Variants in INPP4A observed in about 807,000 individuals in gnomAD.
INPP4A encodes inositol polyphosphate-4-phosphatase, type I, 107kD.
Under a neutral mutation model 119.8 loss-of-function variants are expected in INPP4A, and 33 were observed. The observed-to-expected ratio is 0.28, with a 90% CI of 0.21 to 0.37. The LOEUF is 0.37. Among genes scored for constraint, INPP4A ranks in the 10% least tolerant of loss-of-function variants. The pLI, the probability that INPP4A is intolerant of heterozygous loss-of-function variation, is 1.00. For synonymous variants in INPP4A, 496 were observed against 500.7 expected (o/e 0.99, Z 0.12); for missense variants, 956 against 1,289.9 (o/e 0.74, Z 3.97).
chr2:98,529,620 C>T lies in INPP4A; in HGVS notation c.152-3757C>T, dbSNP rs1485096073. Reference sequence around the variant, plus strand: ...GCGTGGTGGTGGGCGCCTGTAGTCCCAGCTACTCGGGAGGCTGAGGCAGGA... The same window carrying T: ...GCGTGGTGGTGGGCGCCTGTAGTCCTAGCTACTCGGGAGGCTGAGGCAGGA... On this transcript the variant is annotated intron_variant, in intron 4 of 24. Transcript: ENST00000409851. Among the ~76,000 whole-genome samples, 3 of 152,118 alleles carry T rather than the reference C, an allele frequency of 2.0e-5. No homozygotes were observed. The South Asian group carries it at 6.3e-4, about 32-fold the overall frequency.
At chr2:98,507,981 G>T (rs770921186) in intron 1 of INPP4A, among the ~76,000 whole-genome samples, 1 of 152,216 alleles carries the variant, frequency 6.6e-6, no homozygotes, top group Non-Finnish European at 1.5e-5. Flanking sequence ...GGGTTGAGGG[G>T]GTGGGTGGTG....
intron 1 of INPP4A, among the ~76,000 whole-genome samples, chr2:98,471,235 G>A (rs1360987200): frequency 1.3e-5 from 2 of 152,188 alleles, no homozygotes; most frequent in Admixed American, 6.5e-5. Flanking sequence ...TGTGAATGAT[G>A]TCCTGACCTG....
chr2:98,580,794 C>T (rs912417324), intron 24 of INPP4A, among the ~76,000 whole-genome samples: 2 of 152,252 alleles, frequency 1.3e-5, no homozygotes, highest in Admixed American at 6.5e-5. Flanking sequence ...ACTGCTGCCA[C>T]TTGGCAGACA....
chr2:98,537,796 C>T, intron 7 of INPP4A, 67 bp from the exon 8 acceptor site: 2 of 1,235,330 alleles, frequency 1.6e-6, no homozygotes, highest in South Asian at 1.3e-5. Context: ...ACGGCTAGGG[C>T]TTTGTATTTC....
At chr2:98,581,611 T>G (rs748341505) in intron 24 of INPP4A, 1 of 1,561,050 alleles carries the variant, frequency 6.4e-7, no homozygotes. Flanking sequence ...CAGAAGAACT[T>G]GAGCGGCCTG....
intron 1 of INPP4A, among the ~76,000 whole-genome samples, chr2:98,461,604 A>G (rs912259411): frequency 6.6e-6 from 1 of 152,256 alleles, no homozygotes; most frequent in African/African-American, 2.4e-5. Context: ...GATATGTGGT[A>G]AAGCCTGTTT....
chr2:98,563,418 C>A (rs748056774), intron 17 of INPP4A, 47 bp from the exon 18 acceptor site: 3 of 1,559,016 alleles, frequency 1.9e-6, no homozygotes, highest in Non-Finnish European at 2.6e-6. Flanking sequence ...GAACCTAATT[C>A]TTAAAATCTC....
chr2:98,577,533 C>T (rs970281270), intron 24 of INPP4A, among the ~76,000 whole-genome samples: 3 of 152,202 alleles, frequency 2.0e-5, no homozygotes, highest in Non-Finnish European at 2.9e-5. Flanking sequence ...CTGTTGTCGT[C>T]GTGTATATAT....
chr2:98,526,376 A>G (rs1559006516), intron 4 of INPP4A, among the ~76,000 whole-genome samples: 2 of 152,254 alleles, frequency 1.3e-5, no homozygotes, highest in African/African-American at 2.4e-5. Context: ...TATCCAATAA[A>G]TAATGAAGGT....
chr2:98,481,902 CCTT>C (rs1320928428), intron 1 of INPP4A, among the ~76,000 whole-genome samples: 1 of 152,220 alleles, frequency 6.6e-6, no homozygotes, highest in African/African-American at 2.4e-5. Flanking sequence ...CTTTGCCTCT[CCTT>C]CTCCCTTCAT....
chr2:98,508,851 G>A (rs901334408), intron 1 of INPP4A, among the ~76,000 whole-genome samples: 2 of 151,874 alleles, frequency 1.3e-5, no homozygotes, highest in South Asian at 2.1e-4. Flanking sequence ...TGTTCCTGTT[G>A]TCTTTGTCTG....
intron 1 of INPP4A, among the ~76,000 whole-genome samples, chr2:98,478,005 C>T (rs937088387): frequency 6.6e-6 from 1 of 152,190 alleles, no homozygotes; most frequent in Non-Finnish European, 1.5e-5. Context: ...AGTGCAGTCC[C>T]TGCGGCCTAC....
intron 3 of INPP4A, among the ~76,000 whole-genome samples, 191 bp downstream of exon 3, chr2:98,520,345 C>T (rs538766596): frequency 1.3e-5 from 2 of 152,282 alleles, no homozygotes; most frequent in African/African-American, 2.4e-5. Flanking sequence ...TCCTGTGAAC[C>T]GCTTCTGCTG....
intron 1 of INPP4A, among the ~76,000 whole-genome samples, chr2:98,506,837 T>C (rs1337679987): frequency 6.6e-6 from 1 of 152,198 alleles, no homozygotes; most frequent in Non-Finnish European, 1.5e-5. Context: ...GGCACTCCCC[T>C]GTGGCAGGGA....
At chr2:98,518,714 C>T (rs1395254611) in intron 1 of INPP4A, among the ~76,000 whole-genome samples, 1 of 152,230 alleles carries the variant, frequency 6.6e-6, no homozygotes, top group Non-Finnish European at 1.5e-5. Flanking sequence ...CAGCTGCTCA[C>T]CTGGCTCTTT....
chr2:98,512,636 G>A (rs1685340852), intron 1 of INPP4A, among the ~76,000 whole-genome samples: 1 of 152,220 alleles, frequency 6.6e-6, no homozygotes, highest in South Asian at 2.1e-4. Flanking sequence ...CACTCCTACA[G>A]AAACAGCATT....
At chr2:98,536,391 C>G (rs1690269971) in intron 7 of INPP4A, among the ~76,000 whole-genome samples, 183 bp downstream of exon 7, 1 of 152,100 alleles carries the variant, frequency 6.6e-6, no homozygotes, top group African/African-American at 2.4e-5. Context: ...AGAATGGAAA[C>G]TTTTAGCATC....
rs1700235888 is a variant in INPP4A at position 98,589,510 on chromosome 2, T to C, written c.*1902T>C. 1 of 181,134 alleles carries C rather than the reference T, an allele frequency of 5.5e-6. No individual in the cohort carries two copies. Among genetic ancestry groups the C allele is most frequent in the Non-Finnish European group, 1.2e-5 (1 of 84,804 alleles). The allele number at this position is 181,134 out of a possible 1,614,324, so 11.2% of individuals were successfully genotyped here. On this transcript the variant is annotated 3_prime_UTR_variant, in exon 25 of 25. Coordinates refer to ENST00000409851, the MANE Select transcript of INPP4A (RefSeq NM_001134225.2). ...CTCATCAAAGGGAATATAGCAAATG[T>C]TGATCATCTGTCAGCAGTTTTGCAT...
At chr2:98,450,680 A>G (rs1695060217) in intron 1 of INPP4A, among the ~76,000 whole-genome samples, 1 of 152,212 alleles carries the variant, frequency 6.6e-6, no homozygotes, top group Non-Finnish European at 1.5e-5. Context: ...GAAGCATTAC[A>G]ATGGATTCGT....
Sources: gnomAD v4.1 joint callset for allele counts (sites outside exome capture counted in the v4.1 genomes callset) on GRCh38, gnomAD v4.1.1 for gene constraint, MANE v1.5 for transcripts, NCBI Gene and HGNC (gene_info 2026-07-23, HGNC 2026-07-21) for gene names.